PAH: variants seen among roughly 807,000 people sequenced by gnomAD.
The protein encoded by PAH is phenylalanine hydroxylase.
Under a neutral mutation model 62.0 loss-of-function variants are expected in PAH, and 64 were observed. The ratio of observed to expected loss-of-function variants is 1.03; its 90% CI spans 0.84 to 1.27. The LOEUF is 1.27. PAH is among the 50% of genes most tolerant of loss of function. PAH has a pLI of 0.00. For missense variants in PAH, 579 were observed against 542.8 expected, an observed-to-expected ratio of 1.07 and a Z score of -0.66; for synonymous variants, 195 against 196.2, an observed-to-expected ratio of 0.99 and a Z score of 0.05.
At chr12:102,882,716 G>C (rs945677499) in intron 3 of PAH, among the ~76,000 whole-genome samples, 3 of 148,400 alleles carry the variant, frequency 2.0e-5, no homozygotes, top group South Asian at 2.1e-4. Context: ...TCATAGCAGA[G>C]AGCAGAGTGG....
At chr12:102,875,398 G>T (rs915819358) in intron 4 of PAH, among the ~76,000 whole-genome samples, 1 of 152,214 alleles carries the variant, frequency 6.6e-6, no homozygotes, top group Non-Finnish European at 1.5e-5. Flanking sequence ...TGCCGGTTTG[G>T]GGCAGGAAGA....
chr12:102,938,879 C>G (rs1879193863), intron 1 of PAH, among the ~76,000 whole-genome samples: 1 of 152,204 alleles, frequency 6.6e-6, no homozygotes, highest in South Asian at 2.1e-4. Context: ...GGGCTCCCAC[C>G]ACAGCCACCT....
At position 102,855,386 on chromosome 12, in the gene PAH, C is replaced by T. The variant is rs2251905; in HGVS notation, c.510-54G>A. 527,305 of 1,489,594 alleles carry T rather than the reference C, an allele frequency of 0.35. 97,704 individuals are homozygous for T. Among genetic ancestry groups the T allele is most frequent in the Non-Finnish European group, 0.38 (411,538 of 1,071,166 alleles). 92.3% of individuals were successfully genotyped at this position (1,489,594 alleles called of 1,614,324 possible). A position where few individuals can be genotyped will look rare whatever the true frequency, so the allele number is the denominator to read the frequency against. ...CAAGCAGGGCAGGGGCACAGCAGAACGCAGGTTAGGTTAGCAGAGGGAGTC... is the reference window on the plus strand; with the variant it reads ...CAAGCAGGGCAGGGGCACAGCAGAATGCAGGTTAGGTTAGCAGAGGGAGTC... On this transcript the variant is annotated intron_variant, in intron 5 of 12. Transcript: ENST00000553106.
rs921342130 is a variant in PAH, at chr12:102,958,322, G to T, written c.-223C>A. 1.0e-5 allele frequency: 15 copies of T among 1,470,760 alleles called. No individual in the cohort carries two copies. The Admixed American group carries it at 1.3e-4, about 12-fold the overall frequency. The allele number at this position is 1,470,760 out of a possible 1,614,324, so 91.1% of individuals were successfully genotyped here. A position where few individuals can be genotyped will look rare whatever the true frequency, so the allele number is the denominator to read the frequency against. ...CGCAGCCCCAGCAGCCCTTCCTGCCGCCCGCAGCCTGTTTCTTTGCCACGG... is the reference window on the plus strand; with the variant it reads ...CGCAGCCCCAGCAGCCCTTCCTGCCTCCCGCAGCCTGTTTCTTTGCCACGG... On this transcript the variant is annotated 5_prime_UTR_variant, in exon 1 of 5. Transcript: ENST00000551337.
At chr12:102,880,154 T>C (rs1163141835) in intron 3 of PAH, among the ~76,000 whole-genome samples, 1 of 152,182 alleles carries the variant, frequency 6.6e-6, no homozygotes, top group Non-Finnish European at 1.5e-5. Flanking sequence ...TACCATGCTC[T>C]GTTCATTTGG....
intron 2 of PAH, among the ~76,000 whole-genome samples, chr12:102,901,437 T>G (rs1229548901): frequency 3.3e-5 from 5 of 152,186 alleles, no homozygotes; most frequent in African/African-American, 1.2e-4. Flanking sequence ...CCTAATAATT[T>G]TTGTCTTCAT....
intron 1 of PAH, among the ~76,000 whole-genome samples, chr12:102,931,765 T>C (rs77487160): frequency 1.5e-3 from 221 of 152,310 alleles, no homozygotes; most frequent in African/African-American, 4.8e-3. Flanking sequence ...AGGAATATTA[T>C]GTTAACTCCC....
chr12:102,901,362 T>C (rs1877754093), intron 2 of PAH, among the ~76,000 whole-genome samples: 1 of 152,208 alleles, frequency 6.6e-6, no homozygotes, highest in Non-Finnish European at 1.5e-5. Context: ...AAAATAAAGA[T>C]AATTTTACCT....
chr12:102,911,579 A>G (rs1386545340), intron 2 of PAH, among the ~76,000 whole-genome samples: 4 of 152,164 alleles, frequency 2.6e-5, no homozygotes, highest in Admixed American at 2.0e-4. Flanking sequence ...CATGTCTATA[A>G]AGCTACCTTT....
chr12:102,843,204 A>G (rs915178316), intron 11 of PAH, among the ~76,000 whole-genome samples: 53 of 152,186 alleles, frequency 3.5e-4, no homozygotes, highest in African/African-American at 1.1e-3. Flanking sequence ...TTACAGACGC[A>G]CTGGTGGCAG....
chr12:102,888,335 C>T (rs1877125301), intron 3 of PAH, among the ~76,000 whole-genome samples: 3 of 151,930 alleles, frequency 2.0e-5, no homozygotes, highest in Admixed American at 2.0e-4. Context: ...ACCTTTCTGA[C>T]TTGTTTTCTA....
intron 1 of PAH, among the ~76,000 whole-genome samples, 189 bp from the exon 2 acceptor site, chr12:102,913,087 G>A (rs1403091981): frequency 3.3e-5 from 5 of 152,228 alleles, no homozygotes; most frequent in Non-Finnish European, 7.4e-5. Flanking sequence ...GCAATTAAAT[G>A]ATCAATGATG....
chr12:102,896,554 A>AC (rs1416939144), intron 2 of PAH, among the ~76,000 whole-genome samples: 1 of 152,226 alleles, frequency 6.6e-6, no homozygotes, highest in Non-Finnish European at 1.5e-5. Flanking sequence ...TGAAATGCAG[A>AC]CAAGACGTGA....
At chr12:102,909,843 C>T (rs1002743383) in intron 2 of PAH, among the ~76,000 whole-genome samples, 7 of 152,218 alleles carry the variant, frequency 4.6e-5, no homozygotes, top group Admixed American at 4.6e-4. Context: ...CCTGTAGTCC[C>T]AGCTACTGGG....
rs369074678 is a variant in PAH at position 102,846,840 on chromosome 12, T to C, written c.969+55A>G. 19 of 1,458,950 alleles carry C rather than the reference T, an allele frequency of 1.3e-5. No individual in the cohort carries two copies. In the African/African-American group the frequency reaches 2.2e-4, roughly 17 times the overall value. The allele number at this position is 1,458,950 out of a possible 1,614,324, so 90.4% of individuals were successfully genotyped here. ...GGGGAGTAGGAAAGTTTCAAAGACC[T>C]GAGGGCCATAGCCTATAGCACTCCA... On this transcript the variant is annotated intron_variant, in intron 9 of 12. Coordinates refer to ENST00000553106, the MANE Select transcript of PAH (RefSeq NM_000277.3).
chr12:102,883,916 A>T (rs1439483278), intron 3 of PAH, among the ~76,000 whole-genome samples: 1 of 152,250 alleles, frequency 6.6e-6, no homozygotes, highest in African/African-American at 2.4e-5. Flanking sequence ...CTATACTAAT[A>T]GTACGTCCTT....
At chr12:102,853,357 CCCAGA>C in intron 6 of PAH, 1 of 323,178 alleles carries the variant, frequency 3.1e-6, no homozygotes, top group South Asian at 2.7e-5. Context: ...AACCTCATTT[CCCAGA>C]AGGGAAGAGT....
In PAH at chr12:102,885,212, T is replaced by C. The variant is rs117604488; in HGVS notation, c.353-7662A>G. ...TCCTGAGCATCCCTGGATTTAGGGA[T>C]AGTCACTTTTTAACCTAAGTTCTCT... On this transcript the variant is annotated intron_variant, in intron 3 of 12. Transcript: ENST00000553106. 4.0e-4 allele frequency among the ~76,000 whole-genome samples: 61 copies of C among 152,308 alleles called. No homozygotes were observed. In the East Asian group the frequency reaches 0.011, roughly 28 times the overall value.
At chr12:102,942,890 C>A (rs563482911) in intron 1 of PAH, among the ~76,000 whole-genome samples, 5 of 152,214 alleles carry the variant, frequency 3.3e-5, no homozygotes, top group Admixed American at 3.3e-4. Flanking sequence ...TGTACTCCTT[C>A]CTTTCACCAT....
Sources: allele counts gnomAD v4.1 joint callset (sites outside exome capture counted in the v4.1 genomes callset), GRCh38; gene constraint gnomAD v4.1.1; transcripts MANE v1.5; gene names NCBI Gene and HGNC (gene_info 2026-07-23, HGNC 2026-07-21).